The following RAB11FIP2 variants were observed in gnomAD, a reference collection of about 807,000 sequenced individuals.
RAB11FIP2 encodes RAB11 family interacting protein 2.
RAB11FIP2 carries 16 observed loss-of-function variants against 40.9 expected under a neutral mutation model. That is an observed-to-expected ratio of 0.39 (90% CI 0.26 to 0.59). The LOEUF (loss-of-function observed/expected upper bound fraction) is 0.59, where lower values mean the gene tolerates loss of function less well. RAB11FIP2 is among the 20% of genes least tolerant of loss of function. RAB11FIP2 has a pLI of 0.53. For missense variants in RAB11FIP2, 532 were observed against 606.2 expected, an observed-to-expected ratio of 0.88 and a Z score of 1.28; for synonymous variants, 228 against 213.7, an observed-to-expected ratio of 1.07 and a Z score of -0.58.
intron 3 of RAB11FIP2, among the ~76,000 whole-genome samples, chr10:118,018,644 A>G (rs973789426): frequency 6.6e-6 from 1 of 152,248 alleles, no homozygotes; most frequent in Non-Finnish European, 1.5e-5. Flanking sequence ...CTGTAATTCT[A>G]AAATTTGAAA....
rs566613525 is a variant in RAB11FIP2 at position 118,015,138 on chromosome 10, G to C, written c.1266-28C>G. 45 of 1,573,718 alleles carry C rather than the reference G, an allele frequency of 2.9e-5. No individual in the cohort carries two copies. The South Asian group carries it at 4.8e-4, about 17-fold the overall frequency. On this transcript the variant is annotated intron_variant, in intron 3 of 4. Coordinates refer to ENST00000355624, the MANE Select transcript of RAB11FIP2 (RefSeq NM_014904.3). ...AATAAAACACAAACAAATGTTAAAA[G>C]TGTCATAACTCATGTGGGAGGAAAC...
At chr10:118,038,554 C>T (rs959610808) in intron 3 of RAB11FIP2, among the ~76,000 whole-genome samples, 2 of 152,112 alleles carry the variant, frequency 1.3e-5, no homozygotes, top group East Asian at 3.9e-4. Flanking sequence ...CTGAAGCTGG[C>T]GTTTTTTAAA....
Position 118,040,100 on chromosome 10 carries a change from GTACACA to G in RAB11FIP2, c.796+17_796+22del. On this transcript the variant is annotated intron_variant, in intron 2 of 4. Transcript: ENST00000355624. ...CTAAAAGGGTAGTTCAGACCAATGAGTACACAAGAATGTGACACTTACCACTTTCTG... is the reference window on the plus strand; with the variant it reads ...CTAAAAGGGTAGTTCAGACCAATGAGAGAATGTGACACTTACCACTTTCTG... The G allele has an allele frequency of 1.3e-6, 2 of 1,592,134 alleles. No homozygotes were observed. Among genetic ancestry groups the G allele is most frequent in the Non-Finnish European group, 1.7e-6 (2 of 1,163,452 alleles).
At position 118,009,196 on chromosome 10, in the gene RAB11FIP2, C is replaced by A. The variant is rs139031897; in HGVS notation, c.1341G>T (p.Gly447=). 6.2e-7 allele frequency: 1 copy of A among 1,613,228 alleles called. No individual in the cohort carries two copies. The part of the protein sequence containing the change: ...PDSNPFDATA[G]YRSLTYEEVL... ...CCTCTTCATAGGTCAGACTACGATA[C>A]CCTGCAGTGGCATCAAAGGGGTTGC... is the stretch of plus-strand genomic sequence containing the variant. Residue 447 remains glycine (G), a synonymous_variant, in exon 5 of 5, where the codon GGG becomes GGT. Transcript: ENST00000355624.
At chr10:118,013,770 T>C (rs1846183032) in intron 4 of RAB11FIP2, among the ~76,000 whole-genome samples, 4 of 152,084 alleles carry the variant, frequency 2.6e-5, no homozygotes, top group Admixed American at 2.6e-4. Flanking sequence ...ATTTTCACAT[T>C]TTATTTCTTT....
At chr10:118,009,384 T>A (rs894388473) in intron 4 of RAB11FIP2, among the ~76,000 whole-genome samples, 159 bp from the exon 5 acceptor site, 3 of 152,170 alleles carry the variant, frequency 2.0e-5, no homozygotes, top group African/African-American at 7.2e-5. Context: ...GGCTAGCCAG[T>A]CCTGAGGCAA....
intron 1 of RAB11FIP2, 25 bp downstream of exon 1, chr10:118,045,786 A>T (rs1451852414): frequency 2.4e-5 from 37 of 1,523,694 alleles, no homozygotes; most frequent in Non-Finnish European, 3.3e-5. Flanking sequence ...ACTCCCCCAA[A>T]TTCAAAATAA....
chr10:118,022,137 C>T (rs1396559928), intron 3 of RAB11FIP2, among the ~76,000 whole-genome samples: 2 of 152,256 alleles, frequency 1.3e-5, no homozygotes, highest in Non-Finnish European at 2.9e-5. Flanking sequence ...CAGAGACACC[C>T]TTCACTCCAG....
In RAB11FIP2 at chr10:118,007,810, C is replaced by A. The variant is rs563705402; in HGVS notation, c.*1188G>T. On this transcript the variant is annotated 3_prime_UTR_variant, in exon 5 of 5. Coordinates refer to ENST00000355624, the MANE Select transcript of RAB11FIP2 (RefSeq NM_014904.3). ...AACATAATTTTGTAATAAATCAATT[C>A]TTAAAGGGTGGATGTGGAGTAATGC... 1.3e-5 allele frequency: 2 copies of A among 152,248 alleles called. No individual in the cohort carries two copies. Among genetic ancestry groups the A allele is most frequent in the Admixed American group, 1.3e-4 (2 of 15,254 alleles). The allele number at this position is 152,248 out of a possible 1,614,324, so 9.4% of individuals were successfully genotyped here.
chr10:118,021,392 TG>T (rs1846281848), intron 3 of RAB11FIP2, among the ~76,000 whole-genome samples: 1 of 152,216 alleles, frequency 6.6e-6, no homozygotes, highest in South Asian at 2.1e-4. Context: ...GAATCCCATC[TG>T]ATCAATCTCA....
chr10:118,033,334 C>G (rs775303622), intron 3 of RAB11FIP2, among the ~76,000 whole-genome samples: 6 of 152,064 alleles, frequency 3.9e-5, no homozygotes, highest in Admixed American at 6.6e-5. Context: ...TCTCCAGGAG[C>G]CCTTGATGAT....
chr10:118,026,407 C>G (rs1010017551), intron 3 of RAB11FIP2, among the ~76,000 whole-genome samples: 43 of 152,134 alleles, frequency 2.8e-4, no homozygotes, highest in African/African-American at 9.7e-4. Context: ...TCAGAGACTA[C>G]TAGAGTAGAA....
chr10:118,023,628 G>A (rs1451592599), intron 3 of RAB11FIP2, among the ~76,000 whole-genome samples: 3 of 152,172 alleles, frequency 2.0e-5, no homozygotes, highest in African/African-American at 7.2e-5. Flanking sequence ...ATTGTGGTCA[G>A]TGACACCAAA....
chr10:118,035,778 C>T (rs1045932182), intron 3 of RAB11FIP2, among the ~76,000 whole-genome samples: 3 of 151,980 alleles, frequency 2.0e-5, no homozygotes, highest in Admixed American at 1.3e-4. Flanking sequence ...ACAAGACTTA[C>T]GTAAGAAAAT....
At position 118,024,470 on chromosome 10, in the gene RAB11FIP2, CGTGTGTGTGTGT is replaced by C. The variant is rs55723398; in HGVS notation, c.1266-9372_1266-9361del. On this transcript the variant is annotated intron_variant, in intron 3 of 4. Transcript: ENST00000355624. ...CTACGTATCCATTAGTCATCATCATCGTGTGTGTGTGTGTGTGTGTGTGTGTGTGTGTGTGTG... is the reference window on the plus strand; with the variant it reads ...CTACGTATCCATTAGTCATCATCATCGTGTGTGTGTGTGTGTGTGTGTGTG... Among the ~76,000 whole-genome samples the C allele has an allele frequency of 4.2e-4, 56 of 131,808 alleles. 1 individual carries two copies. Among genetic ancestry groups the C allele is most frequent in the Admixed American group, 9.9e-4 (13 of 13,116 alleles). The allele number at this position is 131,808 out of a possible 152,430, so 86.5% of individuals were successfully genotyped here. A position where few individuals can be genotyped will look rare whatever the true frequency, so the allele number is the denominator to read the frequency against.
chr10:118,034,457 T>C (rs1846456754), intron 3 of RAB11FIP2, among the ~76,000 whole-genome samples: 1 of 152,158 alleles, frequency 6.6e-6, no homozygotes, highest in Non-Finnish European at 1.5e-5. Flanking sequence ...TAACATTATT[T>C]ACAATTTATT....
chr10:118,018,908 G>GT (rs984052853), intron 3 of RAB11FIP2, among the ~76,000 whole-genome samples: 1 of 150,960 alleles, frequency 6.6e-6, no homozygotes, highest in East Asian at 2.0e-4. Context: ...GGTTTTTTTT[G>GT]TTTTTTTGTT....
At chr10:118,044,361 A>C (rs1252526598) in intron 1 of RAB11FIP2, among the ~76,000 whole-genome samples, 1 of 152,180 alleles carries the variant, frequency 6.6e-6, no homozygotes, top group Non-Finnish European at 1.5e-5. Context: ...AAACACGTTA[A>C]ATATTTACTA....
rs1455214159 is a variant in RAB11FIP2, at chr10:118,046,592, T to A, written c.-429A>T. The A allele has an allele frequency of 3.8e-5, 6 of 158,012 alleles. No individual in the cohort carries two copies. The highest frequency in any genetic ancestry group is 8.3e-5 in the Non-Finnish European group (6 of 72,434). 9.8% of individuals were successfully genotyped at this position (158,012 alleles called of 1,614,324 possible). A position where few individuals can be genotyped will look rare whatever the true frequency, so the allele number is the denominator to read the frequency against. On this transcript the variant is annotated 5_prime_UTR_variant, in exon 1 of 5. Coordinates refer to ENST00000355624, the MANE Select transcript of RAB11FIP2 (RefSeq NM_014904.3). The stretch of plus-strand genomic sequence containing the variant: ...GAGCAGCCTCCGCTGCCTCCGCGCC[T>A]CCCGCCCGCCCGGCGTTCGTCCGCA...
Sources: allele counts gnomAD v4.1 joint callset (sites outside exome capture counted in the v4.1 genomes callset), GRCh38; gene constraint gnomAD v4.1.1; transcripts MANE v1.5; gene names NCBI Gene and HGNC (gene_info 2026-07-23, HGNC 2026-07-21).